The following CCDC7 variants were observed in gnomAD, a reference collection of about 807,000 sequenced individuals.
CCDC7 encodes coiled-coil domain-containing protein 7.
A neutral mutation model predicts 196.9 loss-of-function variants in CCDC7; 183 were observed. That is an observed-to-expected ratio of 0.93 (90% CI 0.82 to 1.05). The LOEUF is 1.05. Ranked by LOEUF, CCDC7 falls within the 50% of genes least tolerant of loss-of-function variation. CCDC7 has a pLI of 0.00. For synonymous variants in CCDC7, 525 were observed against 484.6 expected (o/e 1.08, Z -1.10); for missense variants, 1,540 against 1,482.2 (o/e 1.04, Z -0.64).
chr10:32,584,359 C>T, intron 18 of CCDC7, 55 bp downstream of exon 19: 1 of 1,152,604 alleles, frequency 8.7e-7, no homozygotes, highest in Non-Finnish European at 1.3e-6. Flanking sequence ...TATGTGTTTC[C>T]ATGATATAAT....
At chr10:32,561,513 A>G (rs2055628655) in intron 13 of CCDC7, among the ~76,000 whole-genome samples, 1 of 152,246 alleles carries the variant, frequency 6.6e-6, no homozygotes, top group African/African-American at 2.4e-5. Flanking sequence ...AAACCGCTCA[A>G]CTACATGGAA....
At chr10:32,525,210 G>A (rs137957119) in intron 11 of CCDC7, among the ~76,000 whole-genome samples, 20,281 of 150,832 alleles carry the variant, frequency 0.13, 1,594 homozygotes, top group African/African-American at 0.23. Context: ...AAACCTGCAT[G>A]TTGTGCACAT....
chr10:32,638,784 G>A (rs1195902681), intron 20 of CCDC7, among the ~76,000 whole-genome samples: 1 of 152,118 alleles, frequency 6.6e-6, no homozygotes, highest in East Asian at 1.9e-4. Context: ...TCTATTGATT[G>A]GAATAGTTTC....
intron 15 of CCDC7, among the ~76,000 whole-genome samples, chr10:32,571,513 G>A (rs2057550992): frequency 6.6e-6 from 1 of 152,026 alleles, no homozygotes; most frequent in Non-Finnish European, 1.5e-5. Flanking sequence ...GAGCTACTCT[G>A]CCTGTGGAGC....
At chr10:32,811,552 A>G (rs1050061402) in intron 30 of CCDC7, among the ~76,000 whole-genome samples, 8 of 152,114 alleles carry the variant, frequency 5.3e-5, no homozygotes, top group Non-Finnish European at 1.2e-4. Flanking sequence ...AGTTAATAAC[A>G]ATGTATTTTG....
chr10:32,879,889 C>A (rs189553592), downstream of CCDC7, among the ~76,000 whole-genome samples: 1 of 151,978 alleles, frequency 6.6e-6, no homozygotes, highest in African/African-American at 2.4e-5. Flanking sequence ...TGATCTCATT[C>A]CTTTTTATGG....
At chr10:32,705,834 C>A (rs1299431473) in intron 24 of CCDC7, among the ~76,000 whole-genome samples, 2 of 152,054 alleles carry the variant, frequency 1.3e-5, no homozygotes, top group African/African-American at 4.8e-5. Context: ...CCTTAGAGAC[C>A]TACAAAGAGA....
chr10:32,444,630 C>T (rs2030554025), upstream of CCDC7, among the ~76,000 whole-genome samples: 6 of 152,140 alleles, frequency 3.9e-5, no homozygotes, highest in Admixed American at 3.9e-4. Context: ...ACTTTTAGTT[C>T]TATCTTTCCT....
At chr10:32,634,325 C>G (rs1355226919) in exon 19 of CCDC7, 22 of 1,200,254 alleles carry the variant, frequency 1.8e-5, no homozygotes, top group Non-Finnish European at 2.2e-5. Flanking sequence ...CCAAATAGAA[C>G]AAATGAAACA....
chr10:32,744,311 T>G (rs2074330400), intron 28 of CCDC7, among the ~76,000 whole-genome samples: 2 of 148,740 alleles, frequency 1.3e-5, no homozygotes, highest in Admixed American at 1.3e-4. Context: ...ACTAACAAAA[T>G]ATTACCGTAG....
intron 28 of CCDC7, among the ~76,000 whole-genome samples, chr10:32,737,472 C>T (rs1393084296): frequency 6.6e-6 from 1 of 152,104 alleles, no homozygotes; most frequent in African/African-American, 2.4e-5. Context: ...GAGTGTTCCA[C>T]AGAAGCTTGA....
At chr10:32,707,642 T>C (rs1329875852) in intron 24 of CCDC7, among the ~76,000 whole-genome samples, 2 of 152,148 alleles carry the variant, frequency 1.3e-5, no homozygotes, top group African/African-American at 4.8e-5. Context: ...ACAAAATCAA[T>C]GTGCAAAAAT....
intron 31 of CCDC7, among the ~76,000 whole-genome samples, chr10:32,819,267 A>G (rs1264845449): frequency 6.6e-6 from 1 of 152,254 alleles, no homozygotes; most frequent in East Asian, 1.9e-4. Context: ...CAAACCAGGA[A>G]GAAGTTAAAT....
chr10:32,737,636 A>G (rs1379102586), intron 28 of CCDC7, among the ~76,000 whole-genome samples: 1 of 152,214 alleles, frequency 6.6e-6, no homozygotes, highest in Non-Finnish European at 1.5e-5. Flanking sequence ...AAGGCTGCAA[A>G]TATAATGAAT....
intron 11 of CCDC7, among the ~76,000 whole-genome samples, chr10:32,519,184 T>C (rs2047503207): frequency 6.6e-6 from 1 of 152,156 alleles, no homozygotes; most frequent in Non-Finnish European, 1.5e-5. Flanking sequence ...GGCTGTCATA[T>C]ATGTTCAGTT....
rs374564927 is a variant in CCDC7 at position 32,644,664 on chromosome 10, C to T, written c.2014+9506C>T. ...AATGAATCACGAGGGCGATTTCCCC[C>T]ATACTGCTGCTAGTGAATAAGTCTC... On this transcript the variant is annotated intron_variant, in intron 20 of 41. Transcript: ENST00000639629. 2.0e-5 allele frequency among the ~76,000 whole-genome samples: 3 copies of T among 152,282 alleles called. No homozygotes were observed. In the East Asian group the frequency reaches 5.8e-4, roughly 29 times the overall value.
intron 8 of CCDC7, 61 bp downstream of exon 9, chr10:32,474,084 A>G: frequency 6.4e-7 from 1 of 1,550,558 alleles, no homozygotes; most frequent in Non-Finnish European, 8.8e-7. Flanking sequence ...TAATTTCTAT[A>G]AAGTAATAAT....
intron 33 of CCDC7, among the ~76,000 whole-genome samples, chr10:32,842,900 A>G (rs2093058139): frequency 6.6e-6 from 1 of 151,922 alleles, no homozygotes; most frequent in African/African-American, 2.4e-5. Flanking sequence ...TGAGGATGCA[A>G]AGGCATAAGA....
intron 29 of CCDC7, among the ~76,000 whole-genome samples, chr10:32,804,437 A>G (rs1261352654): frequency 2.0e-5 from 3 of 152,150 alleles, no homozygotes; most frequent in Non-Finnish European, 4.4e-5. Flanking sequence ...CTCAATCTAC[A>G]AGATATCTTA....
Sources: allele counts gnomAD v4.1 joint callset (sites outside exome capture counted in the v4.1 genomes callset), GRCh38; gene constraint gnomAD v4.1.1; transcripts MANE v1.5; gene names NCBI Gene and HGNC (gene_info 2026-07-23, HGNC 2026-07-21).